The following DAB1 variants were observed in gnomAD, a reference collection of about 807,000 sequenced individuals.
The protein encoded by DAB1 is DAB adaptor protein 1.
Under a neutral mutation model 64.6 loss-of-function variants are expected in DAB1, and 15 were observed. That is an observed-to-expected ratio of 0.23 (90% CI 0.16 to 0.36). The LOEUF is 0.36. Ranked by LOEUF, DAB1 falls within the 10% of genes least tolerant of loss-of-function variation. The pLI, the probability that DAB1 is intolerant of heterozygous loss-of-function variation, is 1.00. For missense variants in DAB1, 596 were observed against 706.7 expected (o/e 0.84, Z 1.78); for synonymous variants, 235 against 251.9 (o/e 0.93, Z 0.64).
intron 5 of DAB1, among the ~76,000 whole-genome samples, chr1:57,923,585 C>A (rs1644839506): frequency 6.6e-6 from 1 of 152,186 alleles, no homozygotes; most frequent in Non-Finnish European, 1.5e-5. Flanking sequence ...AGGGCAGAGA[C>A]TAAGTCTGAA....
intron 4 of DAB1, among the ~76,000 whole-genome samples, chr1:58,263,233 G>A (rs531005695): frequency 5.3e-5 from 8 of 152,266 alleles, no homozygotes; most frequent in Middle Eastern, 3.4e-3. Flanking sequence ...AGAAATATCT[G>A]GAGTTGTTTA....
chr1:58,247,802 C>T (rs529606325), intron 4 of DAB1, among the ~76,000 whole-genome samples: 19 of 149,022 alleles, frequency 1.3e-4, no homozygotes, highest in African/African-American at 4.7e-4. Context: ...CCCACCCCCA[C>T]CTCCCACCGA....
intron 5 of DAB1, among the ~76,000 whole-genome samples, chr1:57,894,105 C>T (rs947683849): frequency 1.3e-5 from 2 of 152,088 alleles, no homozygotes; most frequent in Admixed American, 6.6e-5. Context: ...CACCTGTCCC[C>T]GGAAGTATGC....
chr1:57,010,643 C>A, intron 14 of DAB1, 37 bp downstream of exon 14: 1 of 1,169,800 alleles, frequency 8.5e-7, no homozygotes, highest in South Asian at 1.9e-5. Flanking sequence ...AAGCAGATAG[C>A]TTAAGGGTAA....
Position 57,636,112 on chromosome 1 carries a change from A to C in DAB1, n.625+13480T>G, listed in dbSNP as rs1460238590. On this transcript the variant is annotated intron_variant and non_coding_transcript_variant, in intron 7 of 20. Transcript: ENST00000485760. Reference sequence around the variant, plus strand: ...ACACGGTCTCAAAAAAAAAAAAAAAAACAAAAACAAAAAACTGGTGCCCTT... The same window carrying C: ...ACACGGTCTCAAAAAAAAAAAAAAACACAAAAACAAAAAACTGGTGCCCTT... Among the ~76,000 whole-genome samples, 13 of 148,484 alleles carry C rather than the reference A, an allele frequency of 8.8e-5. 1 individual carries two copies. Among genetic ancestry groups the C allele is most frequent in the African/African-American group, 3.3e-4 (13 of 39,664 alleles).
At chr1:57,782,759 G>A (rs1238539652) in intron 6 of DAB1, among the ~76,000 whole-genome samples, 1 of 152,142 alleles carries the variant, frequency 6.6e-6, no homozygotes, top group Non-Finnish European at 1.5e-5. Flanking sequence ...ATGTCACATT[G>A]TCGCTCAATA....
At chr1:58,071,363 G>GGTGTGTGTGTGTGTGT (rs548977353) in intron 5 of DAB1, among the ~76,000 whole-genome samples, 145 of 135,788 alleles carry the variant, frequency 1.1e-3, no homozygotes, top group East Asian at 2.5e-3. Flanking sequence ...AAAGGAGAAT[G>GGTGTGTGTGTGTGTGT]GTGTGTGTGT....
At chr1:58,446,319 TC>T in intron 3 of DAB1, among the ~76,000 whole-genome samples, 3 of 152,344 alleles carry the variant, frequency 2.0e-5, no homozygotes, top group African/African-American at 7.2e-5. Context: ...AATAAATTTC[TC>T]AGTAAATATT....
At chr1:58,422,992 G>C (rs945897283) in intron 3 of DAB1, among the ~76,000 whole-genome samples, 2 of 152,160 alleles carry the variant, frequency 1.3e-5, no homozygotes, top group Non-Finnish European at 2.9e-5. Flanking sequence ...CTTTTGAGAT[G>C]CTGCAGCACA....
At chr1:57,509,833 G>A (rs1644387074) in intron 7 of DAB1, among the ~76,000 whole-genome samples, 1 of 152,048 alleles carries the variant, frequency 6.6e-6, no homozygotes, top group Non-Finnish European at 1.5e-5. Context: ...TCCACCAACT[G>A]TGTCGTTATA....
intron 4 of DAB1, among the ~76,000 whole-genome samples, chr1:58,317,381 G>A (rs140045447): frequency 1.3e-5 from 2 of 152,298 alleles, no homozygotes; most frequent in African/African-American, 4.8e-5. Flanking sequence ...ACAAAACACA[G>A]GGAGCTTGAA....
intron 4 of DAB1, among the ~76,000 whole-genome samples, chr1:58,222,813 C>T (rs1659246116): frequency 6.6e-6 from 1 of 152,206 alleles, no homozygotes; most frequent in African/African-American, 2.4e-5. Context: ...ATGTGGTAGA[C>T]TTCAGGCTAA....
chr1:58,088,939 A>G lies in DAB1; in HGVS notation n.387+61572T>C, dbSNP rs144752000. Among the ~76,000 whole-genome samples, 1,261 of 152,334 alleles carry G rather than the reference A, an allele frequency of 8.3e-3. 23 individuals are homozygous for G. Among genetic ancestry groups the G allele is most frequent in the African/African-American group, 0.026 (1,099 of 41,572 alleles). ...CCCTGTGAAGGAACGCGGGGCAAGA[A>G]AGGAAAGGCAGCACAGTGGAGAAGA... On this transcript the variant is annotated intron_variant and non_coding_transcript_variant, in intron 5 of 20. Transcript: ENST00000485760.
At chr1:57,080,764 A>G (rs1457151515) in intron 4 of DAB1, among the ~76,000 whole-genome samples, 1 of 151,064 alleles carries the variant, frequency 6.6e-6, no homozygotes, top group African/African-American at 2.5e-5. Flanking sequence ...ACGCACACAC[A>G]CACACACACA....
intron 6 of DAB1, among the ~76,000 whole-genome samples, chr1:57,792,968 A>C (rs1352334846): frequency 6.6e-6 from 1 of 152,234 alleles, no homozygotes; most frequent in Non-Finnish European, 1.5e-5. Flanking sequence ...GTTACGCATG[A>C]TTTTAAATAT....
At chr1:58,350,977 T>C (rs1644050139) in intron 3 of DAB1, among the ~76,000 whole-genome samples, 1 of 152,198 alleles carries the variant, frequency 6.6e-6, no homozygotes, top group Non-Finnish European at 1.5e-5. Flanking sequence ...AAAGTAGTTT[T>C]TTCTAATCCT....
In DAB1 at chr1:58,388,781, C is replaced by G. The variant is rs564954718; in HGVS notation, n.258-45378G>C. On this transcript the variant is annotated intron_variant and non_coding_transcript_variant, in intron 3 of 20. Transcript: ENST00000485760. ...TCAGGCTCTTTACCGCAATTTTTTA[C>G]CCTCGGAGTCATTAAAGAATGTGAT... Among the ~76,000 whole-genome samples the G allele has an allele frequency of 7.2e-5, 11 of 152,268 alleles. No individual in the cohort carries two copies. In the East Asian group the frequency reaches 1.7e-3, roughly 24 times the overall value.
intron 6 of DAB1, among the ~76,000 whole-genome samples, chr1:57,819,332 A>T (rs922244764): frequency 1.4e-4 from 22 of 152,236 alleles, no homozygotes; most frequent in Admixed American, 1.2e-3. Context: ...ATTCATTTCT[A>T]AAAACAGATT....
chr1:57,033,657 C>G, intron 9 of DAB1: 1 of 1,324,528 alleles, frequency 7.5e-7, no homozygotes. Context: ...ATGACAGTAT[C>G]TATGGTTCAC....
Sources: allele counts gnomAD v4.1 joint callset (sites outside exome capture counted in the v4.1 genomes callset), GRCh38; gene constraint gnomAD v4.1.1; transcripts MANE v1.5; gene names NCBI Gene and HGNC (gene_info 2026-07-23, HGNC 2026-07-21).